Variants in RPS6KC1 observed in about 807,000 individuals in gnomAD.
RPS6KC1 encodes inactive ribosomal protein S6 kinase delta-1.
A neutral mutation model predicts 103.8 loss-of-function variants in RPS6KC1; 54 were observed. That is an observed-to-expected ratio of 0.52 (90% CI 0.42 to 0.65). RPS6KC1 has a LOEUF of 0.65. RPS6KC1 is among the 30% of genes least tolerant of loss of function. The pLI is 0.00. For synonymous variants in RPS6KC1, 439 were observed against 438.7 expected (o/e 1.00, Z -0.01); for missense variants, 1,151 against 1,253.8 (o/e 0.92, Z 1.24).
chr1:213,478,051 C>T, the RPS6KC1 span, among the ~76,000 whole-genome samples: 7,560 of 152,192 alleles, frequency 0.05, 605 homozygotes, highest in African/African-American at 0.17. Context: ...CCTCTAACCC[C>T]GATCTTTTTA....
chr1:213,284,194 T>C, the RPS6KC1 span, among the ~76,000 whole-genome samples: 1 of 152,156 alleles, frequency 6.6e-6, no homozygotes, highest in Non-Finnish European at 1.5e-5. Flanking sequence ...GAAATATTAT[T>C]TCAGAAATGA....
chr1:213,271,852 C>T (rs1163259494), intron 14 of RPS6KC1, among the ~76,000 whole-genome samples: 2 of 150,720 alleles, frequency 1.3e-5, no homozygotes, highest in African/African-American at 4.9e-5. Context: ...TCAAATTGTA[C>T]ACTTATAAGG....
the RPS6KC1 span, among the ~76,000 whole-genome samples, chr1:213,350,984 A>C: frequency 9.8e-5 from 15 of 152,288 alleles, no homozygotes; most frequent in African/African-American, 3.4e-4. Context: ...CATTTTAATG[A>C]CTAATGTAGC....
chr1:213,563,459 T>C, the RPS6KC1 span, among the ~76,000 whole-genome samples: 6 of 152,192 alleles, frequency 3.9e-5, no homozygotes, highest in African/African-American at 1.4e-4. Flanking sequence ...CAATTACTGA[T>C]ACATTTAGAT....
chr1:213,707,796 G>A, the RPS6KC1 span, among the ~76,000 whole-genome samples: 5 of 152,278 alleles, frequency 3.3e-5, no homozygotes, highest in East Asian at 9.6e-4. Context: ...TATTAAATAG[G>A]GAATCCTTTC....
At chr1:213,312,961 C>T in the RPS6KC1 span, among the ~76,000 whole-genome samples, 1 of 152,152 alleles carries the variant, frequency 6.6e-6, no homozygotes, top group Non-Finnish European at 1.5e-5. Context: ...CTTTCCCTTC[C>T]CCCACATAGA....
the RPS6KC1 span, among the ~76,000 whole-genome samples, chr1:213,386,410 G>C: frequency 6.6e-6 from 1 of 152,322 alleles, no homozygotes; most frequent in South Asian, 2.1e-4. Context: ...AAAGTGGGTT[G>C]TTACCGTACC....
intron 12 of RPS6KC1, among the ~76,000 whole-genome samples, chr1:213,250,654 C>CT (rs1045397023): frequency 1.3e-5 from 2 of 152,178 alleles, no homozygotes; most frequent in African/African-American, 4.8e-5. Context: ...CTGTGAACAG[C>CT]TTTGCGCCTT....
chr1:213,693,434 G>T, the RPS6KC1 span, among the ~76,000 whole-genome samples: 831 of 152,288 alleles, frequency 5.5e-3, 8 homozygotes, highest in African/African-American at 0.019. Flanking sequence ...GCTCCTTCAA[G>T]GTGGGAAATT....
chr1:213,277,331 G>C (rs182096846), downstream of RPS6KC1, among the ~76,000 whole-genome samples: 1 of 152,298 alleles, frequency 6.6e-6, no homozygotes, highest in Non-Finnish European at 1.5e-5. Context: ...AGATGGTTTG[G>C]CCTTGTATTT....
chr1:213,315,140 A>G, the RPS6KC1 span, among the ~76,000 whole-genome samples: 4 of 152,240 alleles, frequency 2.6e-5, no homozygotes, highest in Non-Finnish European at 4.4e-5. Flanking sequence ...TTCTGCTTAC[A>G]TTAAAAGGAA....
chr1:213,844,231 G>C, the RPS6KC1 span, among the ~76,000 whole-genome samples: 1 of 152,070 alleles, frequency 6.6e-6, no homozygotes, highest in East Asian at 1.9e-4. Context: ...GTGACTTGCT[G>C]TTCCTGGTGC....
chr1:213,447,675 C>G, the RPS6KC1 span, among the ~76,000 whole-genome samples: 1 of 152,138 alleles, frequency 6.6e-6, no homozygotes. Flanking sequence ...GCATCCTAAT[C>G]AATGCGGCTC....
chr1:213,087,828 G>A (rs1270202091), intron 3 of RPS6KC1, among the ~76,000 whole-genome samples: 1 of 152,076 alleles, frequency 6.6e-6, no homozygotes, highest in Non-Finnish European at 1.5e-5. Flanking sequence ...CTGCCCCTCA[G>A]CTTTGGCCTG....
At chr1:213,511,950 T>C in the RPS6KC1 span, among the ~76,000 whole-genome samples, 1 of 152,232 alleles carries the variant, frequency 6.6e-6, no homozygotes, top group Non-Finnish European at 1.5e-5. Flanking sequence ...CCATTTGTTC[T>C]CTGATGGATT....
At chr1:213,542,343 C>T in the RPS6KC1 span, among the ~76,000 whole-genome samples, 1 of 152,202 alleles carries the variant, frequency 6.6e-6, no homozygotes, top group Non-Finnish European at 1.5e-5. Context: ...GTTGGGCATA[C>T]ATGTCCTGCA....
intron 7 of RPS6KC1, among the ~76,000 whole-genome samples, chr1:213,175,947 C>G (rs1028742855): frequency 1.1e-4 from 16 of 152,158 alleles, no homozygotes; most frequent in African/African-American, 3.9e-4. Context: ...GAGAGAATGG[C>G]TTGTGCCCCT....
the RPS6KC1 span, among the ~76,000 whole-genome samples, chr1:213,499,731 A>G: frequency 1.3e-5 from 2 of 152,228 alleles, no homozygotes; most frequent in African/African-American, 4.8e-5. Flanking sequence ...GGTATAGTCT[A>G]CTACACACCT....
chr1:213,138,100 C>T (rs1473186131), intron 6 of RPS6KC1, among the ~76,000 whole-genome samples: 1 of 151,664 alleles, frequency 6.6e-6, no homozygotes, highest in Non-Finnish European at 1.5e-5. Flanking sequence ...TCCTCTAGGC[C>T]CAAGAGTTCA....
Sources: gnomAD v4.1 joint callset for allele counts (sites outside exome capture counted in the v4.1 genomes callset) on GRCh38, gnomAD v4.1.1 for gene constraint, MANE v1.5 for transcripts, NCBI Gene and HGNC (gene_info 2026-07-23, HGNC 2026-07-21) for gene names.